Variants in LIMD1 observed in about 807,000 individuals in gnomAD.
The protein encoded by LIMD1 is LIM domain-containing protein 1.
LIMD1 carries 23 observed loss-of-function variants against 58.4 expected under a neutral mutation model. That is an observed-to-expected ratio of 0.39 (90% confidence interval 0.28 to 0.56). LIMD1 has a LOEUF of 0.56. LIMD1 is among the 20% of genes least tolerant of loss of function. LIMD1 has a pLI of 0.57. For missense variants in LIMD1, 838 were observed against 855.5 expected (o/e 0.98, Z 0.25); for synonymous variants, 334 against 345.5 (o/e 0.97, Z 0.37).
chr3:45,643,170 T>C (rs907145765), intron 2 of LIMD1, among the ~76,000 whole-genome samples: 2 of 151,912 alleles, frequency 1.3e-5, no homozygotes, highest in African/African-American at 4.8e-5. Flanking sequence ...TGGGGTTGAG[T>C]GGACTTCTCG....
chr3:45,659,345 TA>T (rs568130616), intron 2 of LIMD1, among the ~76,000 whole-genome samples: 144 of 152,324 alleles, frequency 9.5e-4, no homozygotes, highest in Non-Finnish European at 4.0e-4. Flanking sequence ...TTCACACCTG[TA>T]ATCCTGAGAT....
chr3:45,612,086 T>G (rs1701530805), intron 1 of LIMD1, among the ~76,000 whole-genome samples: 1 of 151,834 alleles, frequency 6.6e-6, no homozygotes, highest in Non-Finnish European at 1.5e-5. Context: ...TCTCTCTCTC[T>G]CTCTCTCTCT....
At chr3:45,644,629 G>A (rs1701882533) in intron 2 of LIMD1, among the ~76,000 whole-genome samples, 1 of 152,176 alleles carries the variant, frequency 6.6e-6, no homozygotes, top group South Asian at 2.1e-4. Context: ...TTAGTTTGTG[G>A]TTGGTTTCGT....
At chr3:45,666,432 T>G (rs1471067133) in intron 3 of LIMD1, among the ~76,000 whole-genome samples, 1 of 152,124 alleles carries the variant, frequency 6.6e-6, no homozygotes, top group Non-Finnish European at 1.5e-5. Context: ...GCCTGCTTGG[T>G]CCCAGCATGT....
At chr3:45,615,980 C>A (rs546506493) in intron 1 of LIMD1, among the ~76,000 whole-genome samples, 2 of 152,040 alleles carry the variant, frequency 1.3e-5, no homozygotes, top group African/African-American at 2.4e-5. Flanking sequence ...TATTTTGGGG[C>A]GGCATCTTCA....
At chr3:45,603,685 T>C (rs1288961166) in intron 1 of LIMD1, among the ~76,000 whole-genome samples, 1 of 152,160 alleles carries the variant, frequency 6.6e-6, no homozygotes, top group East Asian at 1.9e-4. Context: ...TTTTAAAAAA[T>C]TGAGGCAGAG....
intron 2 of LIMD1, among the ~76,000 whole-genome samples, chr3:45,653,667 T>C (rs1030668134): frequency 6.6e-6 from 1 of 152,160 alleles, no homozygotes; most frequent in African/African-American, 2.4e-5. Flanking sequence ...CCTAGCACTT[T>C]GGGAGGCTGA....
chr3:45,663,868 A>ATTTTTTTTTTTTTTT lies in LIMD1; in HGVS notation c.1511-1776_1511-1762dup, dbSNP rs553757543. On this transcript the variant is annotated intron_variant, in intron 2 of 7. Transcript: ENST00000273317. ...TAGTGCGTGGCACCATGCCTGGCTA[A>ATTTTTTTTTTTTTTT]TTTTTTTTTTTTTTTTTTTTGAGAC... Among the ~76,000 whole-genome samples, 39 of 102,850 alleles carry ATTTTTTTTTTTTTTT rather than the reference A, an allele frequency of 3.8e-4. 1 individual carries two copies. The highest frequency in any genetic ancestry group is 1.2e-3 in the African/African-American group (28 of 23,348). 67.5% of individuals were successfully genotyped at this position (102,850 alleles called of 152,430 possible). A position where few individuals can be genotyped will look rare whatever the true frequency, so the allele number is the denominator to read the frequency against.
At chr3:45,618,849 G>A (rs945377162) in intron 1 of LIMD1, among the ~76,000 whole-genome samples, 2 of 152,160 alleles carry the variant, frequency 1.3e-5, no homozygotes, top group Admixed American at 6.5e-5. Context: ...AGGTCTTGCC[G>A]CTGGGACCCA....
rs138527797 is a variant in LIMD1, at chr3:45,653,998, C to T, written c.1511-11652C>T. Reference sequence around the variant, plus strand: ...GAAGTAGATTGGTTAGAATTTTGTGCGATGATGCAGATATTCTAAAGCTTC... The same window carrying T: ...GAAGTAGATTGGTTAGAATTTTGTGTGATGATGCAGATATTCTAAAGCTTC... On this transcript the variant is annotated intron_variant, in intron 2 of 7. Transcript: ENST00000273317. Among the ~76,000 whole-genome samples, 101 of 151,350 alleles carry T rather than the reference C, an allele frequency of 6.7e-4. 1 individual carries two copies. The highest frequency in any genetic ancestry group is 2.3e-3 in the African/African-American group (97 of 41,278).
At chr3:45,622,073 A>G (rs1412193038) in intron 1 of LIMD1, among the ~76,000 whole-genome samples, 1 of 152,002 alleles carries the variant, frequency 6.6e-6, no homozygotes, top group African/African-American at 2.4e-5. Context: ...AAAAAAAAAA[A>G]AAAGAAATTG....
At chr3:45,636,056 G>A in intron 1 of LIMD1, 94 bp from the exon 2 acceptor site, 2 of 1,573,634 alleles carry the variant, frequency 1.3e-6, no homozygotes, top group African/African-American at 1.4e-5. Flanking sequence ...TGGCCATGGG[G>A]AGGGATGGTA....
intron 1 of LIMD1, among the ~76,000 whole-genome samples, chr3:45,614,195 A>T (rs146431604): frequency 6.6e-6 from 1 of 152,032 alleles, no homozygotes; most frequent in Admixed American, 6.6e-5. Flanking sequence ...TTTAAAAAAC[A>T]TTTTTTTGTT....
chr3:45,670,260 T>C (rs1697572895), intron 4 of LIMD1, among the ~76,000 whole-genome samples: 1 of 152,272 alleles, frequency 6.6e-6, no homozygotes, highest in African/African-American at 2.4e-5. Flanking sequence ...ATGAGTATGA[T>C]TATACCCTAT....
chr3:45,674,418 CCCT>C lies in LIMD1; in HGVS notation c.1893+10_1893+12del. 6.2e-7 allele frequency: 1 copy of C among 1,608,106 alleles called. No individual in the cohort carries two copies. The highest frequency in any genetic ancestry group is 8.5e-7 in the Non-Finnish European group (1 of 1,174,998). The stretch of plus-strand genomic sequence containing the variant: ...GGAGTGTTACCACTGCGAGGTAGAC[CCCT>C]CCCCACCCAGCCCCCAAAGCCCATT... On this transcript the variant is annotated splice_region_variant and intron_variant, in intron 7 of 7. Coordinates refer to ENST00000273317, the MANE Select transcript of LIMD1 (RefSeq NM_014240.3).
intron 1 of LIMD1, among the ~76,000 whole-genome samples, chr3:45,617,692 TTC>T (rs1701588762): frequency 6.6e-6 from 1 of 152,214 alleles, no homozygotes; most frequent in Non-Finnish European, 1.5e-5. Flanking sequence ...TTGTGAAACT[TTC>T]TGTTTGTTCT....
intron 2 of LIMD1, among the ~76,000 whole-genome samples, chr3:45,648,673 A>G (rs565078751): frequency 6.6e-6 from 1 of 152,304 alleles, no homozygotes; most frequent in East Asian, 1.9e-4. Context: ...AAGCTCTACC[A>G]TGTTACATTC....
chr3:45,602,830 C>G (rs1209396124), intron 1 of LIMD1, among the ~76,000 whole-genome samples: 1 of 151,200 alleles, frequency 6.6e-6, no homozygotes, highest in Non-Finnish European at 1.5e-5. Context: ...TCCTCGTTTT[C>G]ATGACTTTTT....
chr3:45,614,959 T>G (rs1041188756), intron 1 of LIMD1, among the ~76,000 whole-genome samples: 1 of 152,124 alleles, frequency 6.6e-6, no homozygotes, highest in Non-Finnish European at 1.5e-5. Flanking sequence ...AAATTAACTT[T>G]GTTGTAGATT....
Sources: gnomAD v4.1 joint callset for allele counts (sites outside exome capture counted in the v4.1 genomes callset) on GRCh38, gnomAD v4.1.1 for gene constraint, MANE v1.5 for transcripts, NCBI Gene and HGNC (gene_info 2026-07-23, HGNC 2026-07-21) for gene names.